ESYT3: variants seen among roughly 807,000 people sequenced by gnomAD.
ESYT3 encodes extended synaptotagmin-3.
In ESYT3, 101 loss-of-function variants were observed where a neutral mutation model predicts 111.5. The ratio of observed to expected loss-of-function variants is 0.91; its 90% confidence interval spans 0.77 to 1.07. The LOEUF is 1.07. Ranked by LOEUF, ESYT3 falls within the 50% of genes least tolerant of loss-of-function variation. The pLI, the probability that ESYT3 is intolerant of heterozygous loss-of-function variation, is 0.00. For missense variants in ESYT3, 1,097 were observed against 1,109.4 expected (o/e 0.99, Z 0.16); for synonymous variants, 416 against 446.8 (o/e 0.93, Z 0.87).
rs566430854 is a variant in ESYT3 at position 138,460,007 on chromosome 3, C to T, written c.711C>T (p.Ala237=). 1.0e-4 allele frequency: 163 copies of T among 1,614,144 alleles called. No homozygotes were observed. In the South Asian group the frequency reaches 1.7e-3, roughly 16 times the overall value. The part of the protein sequence containing the change: ...PLLVDKPFVG[A]VTVFFLQKPH... ...TAGTGGACAAGCCCTTTGTGGGAGC[C>T]GTGACTGTGTTCTTCCTTCAGAAGC... The change falls in exon 6 of 23, where the codon GCC becomes GCT. Residue 237 remains alanine (A), a synonymous_variant. Coordinates refer to ENST00000389567, the MANE Select transcript of ESYT3 (RefSeq NM_031913.5).
At chr3:138,453,721 G>T (rs1004174098) in intron 2 of ESYT3, among the ~76,000 whole-genome samples, 6 of 152,340 alleles carry the variant, frequency 3.9e-5, no homozygotes, top group African/African-American at 1.4e-4. Flanking sequence ...CACAGTGCAG[G>T]AGGAACTCTA....
chr3:138,473,331 G>A (rs2033328482), intron 18 of ESYT3: 3 of 627,152 alleles, frequency 4.8e-6, no homozygotes, highest in African/African-American at 1.8e-5. Flanking sequence ...CCACTTCAGG[G>A]TTCCCGTTCT....
intron 21 of ESYT3, 21 bp downstream of exon 21, chr3:138,476,349 A>C (rs371641205): frequency 4.2e-5 from 67 of 1,603,004 alleles, no homozygotes; most frequent in Non-Finnish European, 5.5e-5. Flanking sequence ...GAGATATTTG[A>C]TATACCAAGG....
At position 138,476,904 on chromosome 3, in the gene ESYT3, A is replaced by C. The variant is rs1176408029; in HGVS notation, c.*50A>C. ...TTTATATTAAAATGTATATATATGT[A>C]TATATTTTTTCCTTTGGATCACTTA... On this transcript the variant is annotated 3_prime_UTR_variant, in exon 23 of 23. Transcript: ENST00000389567. 2.0e-6 allele frequency: 3 copies of C among 1,490,142 alleles called. No individual in the cohort carries two copies. The highest frequency in any genetic ancestry group is 3.8e-5 in the Admixed American group (2 of 52,946). 92.3% of individuals were successfully genotyped at this position (1,490,142 alleles called of 1,614,324 possible). A position where few individuals can be genotyped will look rare whatever the true frequency, so the allele number is the denominator to read the frequency against.
rs2033183270 is a variant in ESYT3 at position 138,470,914 on chromosome 3, T to C, written c.1628T>C (p.Leu543Pro). Residue 543 changes from leucine (L) to proline (P), a missense_variant, in exon 17 of 23, where the codon CTG (leucine) becomes CCG (proline). Leu to Pro is a moderately conservative substitution (Grantham distance 98, BLOSUM62 -3). Transcript: ENST00000389567. Reference protein sequence around the residue: ...DDDQECALGMLEVPLCQILPY... With the variant: ...DDDQECALGMPEVPLCQILPY... Reference sequence around the variant, plus strand: ...GACCAGGAGTGTGCTCTGGGAATGCTGGAGGTCCCCCTGTGCCAGATCCTC... The same window carrying C: ...GACCAGGAGTGTGCTCTGGGAATGCCGGAGGTCCCCCTGTGCCAGATCCTC... 4.3e-6 allele frequency: 7 copies of C among 1,614,212 alleles called. No homozygotes were observed. The South Asian group carries it at 4.4e-5, about 10-fold the overall frequency.
intron 20 of ESYT3, among the ~76,000 whole-genome samples, chr3:138,475,556 G>C (rs373451054): frequency 3.5e-4 from 53 of 152,274 alleles, no homozygotes; most frequent in African/African-American, 1.2e-3. Flanking sequence ...CCCTTAGCTG[G>C]TAAGAAAAAA....
intron 1 of ESYT3, among the ~76,000 whole-genome samples, chr3:138,450,633 C>T (rs1046894267): frequency 6.6e-6 from 1 of 152,228 alleles, no homozygotes; most frequent in Admixed American, 6.5e-5. Context: ...AAGCACTGAA[C>T]TCCTCTGACC....
At chr3:138,442,500 C>T (rs977060350) in intron 1 of ESYT3, among the ~76,000 whole-genome samples, 1 of 152,174 alleles carries the variant, frequency 6.6e-6, no homozygotes, top group Non-Finnish European at 1.5e-5. Flanking sequence ...GTTTCTCCCT[C>T]TGATCTGTGC....
chr3:138,460,493 A>G, intron 6 of ESYT3, 118 bp from the exon 7 acceptor site: 2 of 1,129,130 alleles, frequency 1.8e-6, no homozygotes, highest in Non-Finnish European at 2.7e-6. Flanking sequence ...TTTCCTCCGA[A>G]CCCCCACCCT....
chr3:138,445,793 T>C (rs907556841), intron 1 of ESYT3, among the ~76,000 whole-genome samples: 1 of 152,196 alleles, frequency 6.6e-6, no homozygotes. Flanking sequence ...GCCTTTAGTC[T>C]TTTCAGGAAC....
chr3:138,458,505 G>A (rs1254463822), intron 4 of ESYT3, among the ~76,000 whole-genome samples: 2 of 152,238 alleles, frequency 1.3e-5, no homozygotes, highest in African/African-American at 2.4e-5. Flanking sequence ...CGGTTTTTGC[G>A]ATTTGTGACA....
At position 138,448,633 on chromosome 3, in the gene ESYT3, G is replaced by C. The variant is rs1183445788; in HGVS notation, c.328-3415G>C. On this transcript the variant is annotated intron_variant, in intron 1 of 22. Coordinates refer to ENST00000389567, the MANE Select transcript of ESYT3 (RefSeq NM_031913.5). ...AATCCAGAGTAACTTTGAGAATGTG[G>C]GGTGGGAAAAGATTTCTTCAAGTTC... Among the ~76,000 whole-genome samples the C allele has an allele frequency of 2.0e-5, 3 of 152,162 alleles. 1 individual carries two copies. The highest frequency in any genetic ancestry group is 4.4e-5 in the Non-Finnish European group (3 of 68,030).
chr3:138,471,664 CA>C (rs781190373), intron 17 of ESYT3, among the ~76,000 whole-genome samples: 4 of 152,164 alleles, frequency 2.6e-5, no homozygotes, highest in Admixed American at 6.5e-5. Flanking sequence ...GGATTGCAAA[CA>C]TATGTTCAGT....
chr3:138,457,504 A>G (rs1391755118), intron 3 of ESYT3, 64 bp from the exon 4 acceptor site: 1 of 1,446,930 alleles, frequency 6.9e-7, no homozygotes. Context: ...TGCCGGGGGG[A>G]GAGCTGGCAG....
chr3:138,472,992 T>A, intron 18 of ESYT3, 133 bp downstream of exon 18: 1 of 1,503,664 alleles, frequency 6.7e-7, no homozygotes, highest in Non-Finnish European at 8.8e-7. Context: ...AGAGGCAGCA[T>A]GGTGTGGTAG....
chr3:138,468,295 T>C (rs951022236), intron 12 of ESYT3, 101 bp downstream of exon 12: 2 of 1,088,578 alleles, frequency 1.8e-6, no homozygotes, highest in African/African-American at 3.1e-5. Context: ...GCCCCCTTCT[T>C]GCTCACCTCC....
At chr3:138,463,412 C>T (rs987907319) in intron 8 of ESYT3, among the ~76,000 whole-genome samples, 1 of 152,162 alleles carries the variant, frequency 6.6e-6, no homozygotes, top group African/African-American at 2.4e-5. Context: ...GCTTTTAACA[C>T]TGAGTATGTC....
chr3:138,455,370 G>A, intron 3 of ESYT3, 42 bp downstream of exon 3: 1 of 1,608,954 alleles, frequency 6.2e-7, no homozygotes, highest in South Asian at 1.1e-5. Context: ...TGGCTGTGCA[G>A]TCTTCTCTCT....
intron 1 of ESYT3, among the ~76,000 whole-genome samples, chr3:138,451,615 A>G (rs1195893403): frequency 6.6e-6 from 1 of 152,152 alleles, no homozygotes; most frequent in African/African-American, 2.4e-5. Context: ...TGTGCAAACA[A>G]GCAGTTTCCA....
Sources: allele counts gnomAD v4.1 joint callset (sites outside exome capture counted in the v4.1 genomes callset), GRCh38; gene constraint gnomAD v4.1.1; transcripts MANE v1.5; gene names NCBI Gene and HGNC (gene_info 2026-07-23, HGNC 2026-07-21).